PEX13: variants seen among roughly 807,000 people sequenced by gnomAD.
PEX13 encodes the protein peroxisome biogenesis factor 13.
A neutral mutation model predicts 34.5 loss-of-function variants in PEX13; 28 were observed. The observed-to-expected ratio is 0.81, with a 90% CI of 0.60 to 1.11. The LOEUF (loss-of-function observed/expected upper bound fraction) is 1.11. Among genes scored for constraint, PEX13 ranks in the 50% most tolerant of loss-of-function variants. PEX13 has a pLI of 0.00. For synonymous variants in PEX13, 177 were observed against 175.1 expected (o/e 1.01, Z -0.09); for missense variants, 550 against 491.0 (o/e 1.12, Z -1.13).
intron 1 of PEX13, among the ~76,000 whole-genome samples, chr2:61,023,447 T>C (rs1680299714): frequency 6.6e-6 from 1 of 151,884 alleles, no homozygotes; most frequent in Non-Finnish European, 1.5e-5. Context: ...TTTTTCTTCC[T>C]GCTTAGTATC....
rs550418754 is a variant in PEX13 at position 61,020,040 on chromosome 2, G to A, written c.92+2189G>A. Among the ~76,000 whole-genome samples, 16 of 152,232 alleles carry A rather than the reference G, an allele frequency of 1.1e-4. No homozygotes were observed. In the East Asian group the frequency reaches 2.5e-3, roughly 24 times the overall value. On this transcript the variant is annotated intron_variant, in intron 1 of 3. Coordinates refer to ENST00000295030, the MANE Select transcript of PEX13 (RefSeq NM_002618.4). ...AGATCGAGACCATCCTGGCTAACTCGGAGAAACCCCGTCTCTACTAAAAAT... is the reference window on the plus strand; with the variant it reads ...AGATCGAGACCATCCTGGCTAACTCAGAGAAACCCCGTCTCTACTAAAAAT...
Position 61,051,283 on chromosome 2 carries a change from A to G in PEX13, c.*2513A>G, listed in dbSNP as rs1386565704. The G allele has an allele frequency of 1.3e-5, 2 of 152,362 alleles. No individual in the cohort carries two copies. Among genetic ancestry groups the G allele is most frequent in the Non-Finnish European group, 2.9e-5 (2 of 68,040 alleles). 9.4% of individuals were successfully genotyped at this position (152,362 alleles called of 1,614,324 possible). On this transcript the variant is annotated 3_prime_UTR_variant, in exon 4 of 4. Coordinates refer to ENST00000295030, the MANE Select transcript of PEX13 (RefSeq NM_002618.4). ...ATAATTTATAGAAATTTTGTTCTCAAAACAAATGTTTGATAAAACAGATTA... is the reference window on the plus strand; with the variant it reads ...ATAATTTATAGAAATTTTGTTCTCAGAACAAATGTTTGATAAAACAGATTA...
chr2:61,032,602 A>G (rs1292454080), intron 2 of PEX13, among the ~76,000 whole-genome samples: 2 of 152,214 alleles, frequency 1.3e-5, no homozygotes, highest in Non-Finnish European at 2.9e-5. Context: ...CAAGTGATAA[A>G]ACTGAGATCC....
intron 2 of PEX13, among the ~76,000 whole-genome samples, chr2:61,039,920 G>C (rs757942613): frequency 1.3e-5 from 2 of 152,080 alleles, no homozygotes; most frequent in Non-Finnish European, 2.9e-5. Flanking sequence ...CCATCAAAAA[G>C]TAGGCAAAAG....
intron 2 of PEX13, among the ~76,000 whole-genome samples, chr2:61,034,275 G>C (rs984458472): frequency 1.3e-5 from 2 of 152,186 alleles, no homozygotes; most frequent in South Asian, 4.1e-4. Flanking sequence ...AGGATTACAG[G>C]CATGAGCCAC....
At chr2:61,034,777 A>G (rs1390230027) in intron 2 of PEX13, among the ~76,000 whole-genome samples, 1 of 152,218 alleles carries the variant, frequency 6.6e-6, no homozygotes, top group Non-Finnish European at 1.5e-5. Context: ...GCCATTGCTG[A>G]GGCTTGAGTA....
At chr2:61,046,384 A>C (rs1184945354) in intron 3 of PEX13, among the ~76,000 whole-genome samples, 4 of 152,070 alleles carry the variant, frequency 2.6e-5, no homozygotes, top group African/African-American at 9.7e-5. Flanking sequence ...CTTTTTAATG[A>C]CTCTAGGCAA....
chr2:61,025,272 T>A (rs1680333493), intron 1 of PEX13, among the ~76,000 whole-genome samples: 1 of 151,956 alleles, frequency 6.6e-6, no homozygotes, highest in South Asian at 2.1e-4. Flanking sequence ...GGTTTCACCA[T>A]CTTGGCCAGG....
At chr2:61,018,172 C>G (rs1470957863) in intron 1 of PEX13, 2 of 1,550,764 alleles carry the variant, frequency 1.3e-6, no homozygotes, top group Non-Finnish European at 1.7e-6. Context: ...AATGGCTTCT[C>G]TATCTTTAAA....
At position 61,049,751 on chromosome 2, in the gene PEX13, G is replaced by C. The variant is rs1680765281; in HGVS notation, c.*981G>C. The C allele has an allele frequency of 1.3e-5, 2 of 152,066 alleles. No homozygotes were observed. The highest frequency in any genetic ancestry group is 4.8e-5 in the African/African-American group (2 of 41,368). The allele number at this position is 152,066 out of a possible 1,614,324, so 9.4% of individuals were successfully genotyped here. A position where few individuals can be genotyped will look rare whatever the true frequency, so the allele number is the denominator to read the frequency against. ...GATCTCGCCATTGCACTTCAGCCTG[G>C]GCAACAAAAGCGAAACTCCATCTCA... On this transcript the variant is annotated 3_prime_UTR_variant, in exon 4 of 4. Coordinates refer to ENST00000295030, the MANE Select transcript of PEX13 (RefSeq NM_002618.4).
chr2:61,044,228 G>A (rs1680669990), intron 2 of PEX13, among the ~76,000 whole-genome samples: 1 of 151,862 alleles, frequency 6.6e-6, no homozygotes, highest in African/African-American at 2.4e-5. Flanking sequence ...TGAGATTACA[G>A]GCATGAACCA....
intron 2 of PEX13, among the ~76,000 whole-genome samples, chr2:61,039,008 A>G (rs954688868): frequency 2.6e-5 from 4 of 152,206 alleles, no homozygotes; most frequent in Admixed American, 6.5e-5. Flanking sequence ...CTACAAAGAG[A>G]ATAAAATACC....
chr2:61,041,626 G>A (rs1015983947), intron 2 of PEX13, among the ~76,000 whole-genome samples: 1 of 152,134 alleles, frequency 6.6e-6, no homozygotes, highest in Non-Finnish European at 1.5e-5. Context: ...AATAAAGTCA[G>A]AAGATGTGGA....
At chr2:61,037,665 A>T (rs1285635879) in intron 2 of PEX13, among the ~76,000 whole-genome samples, 1 of 152,234 alleles carries the variant, frequency 6.6e-6, no homozygotes, top group Non-Finnish European at 1.5e-5. Context: ...AGCAGGAAAG[A>T]TCTAAAATCA....
intron 2 of PEX13, among the ~76,000 whole-genome samples, chr2:61,035,278 C>T (rs1017802046): frequency 6.6e-6 from 1 of 152,186 alleles, no homozygotes; most frequent in Non-Finnish European, 1.5e-5. Context: ...ATAGCATCAA[C>T]ATCAACAAAA....
chr2:61,042,281 A>G (rs1430789463), intron 2 of PEX13, among the ~76,000 whole-genome samples: 1 of 152,204 alleles, frequency 6.6e-6, no homozygotes, highest in Non-Finnish European at 1.5e-5. Context: ...CAGAGACTAT[A>G]TGTGAAATTC....
In PEX13 at chr2:61,051,196, G is replaced by A. The variant is rs1426354142; in HGVS notation, c.*2426G>A. 6.6e-6 allele frequency: 1 copy of A among 152,174 alleles called. No individual in the cohort carries two copies. Among genetic ancestry groups the A allele is most frequent in the African/African-American group, 2.4e-5 (1 of 41,414 alleles). 9.4% of individuals were successfully genotyped at this position (152,174 alleles called of 1,614,324 possible). On this transcript the variant is annotated 3_prime_UTR_variant, in exon 4 of 4. Transcript: ENST00000295030. ...TTAGCCTTGAAGTTGAAGAGATAAGGTTTCTTGTATATTATTTTTCATTTG... is the reference window on the plus strand; with the variant it reads ...TTAGCCTTGAAGTTGAAGAGATAAGATTTCTTGTATATTATTTTTCATTTG...
intron 1 of PEX13, among the ~76,000 whole-genome samples, chr2:61,029,672 C>T (rs1328300427): frequency 6.6e-6 from 1 of 152,070 alleles, no homozygotes. Context: ...ATAGGCCAGA[C>T]GTGTTGGCTA....
At chr2:61,030,500 T>C (rs1366265902) in intron 1 of PEX13, among the ~76,000 whole-genome samples, 3 of 152,204 alleles carry the variant, frequency 2.0e-5, no homozygotes, top group Non-Finnish European at 2.9e-5. Context: ...CCCCCAAGCA[T>C]AGTGCTGAAG....
Sources: gnomAD v4.1 joint callset for allele counts (sites outside exome capture counted in the v4.1 genomes callset) on GRCh38, gnomAD v4.1.1 for gene constraint, MANE v1.5 for transcripts, NCBI Gene and HGNC (gene_info 2026-07-23, HGNC 2026-07-21) for gene names.